The following RMST variants were observed in gnomAD, a reference collection of about 807,000 sequenced individuals.
RMST encodes the protein long intergenic non-protein coding RNA 54.
chr12:97,516,126 A>G lies in RMST; in HGVS notation n.1341-14529A>G, dbSNP rs372642697. Among the ~76,000 whole-genome samples, 123 of 152,202 alleles carry G rather than the reference A, an allele frequency of 8.1e-4. 2 individuals are homozygous for G. The East Asian group carries it at 0.017, about 21-fold the overall frequency. ...GTTTTTAGAGATGTATGATACAGAAACTATGTCAACAGTAGTTGACTATTT... is the reference window on the plus strand; with the variant it reads ...GTTTTTAGAGATGTATGATACAGAAGCTATGTCAACAGTAGTTGACTATTT... On this transcript the variant is annotated intron_variant and non_coding_transcript_variant, in intron 10 of 13. Coordinates refer to ENST00000640149, the Ensembl canonical transcript of RMST.
chr12:97,522,236 T>C (rs78236625), intron 10 of RMST, among the ~76,000 whole-genome samples: 5,846 of 152,324 alleles, frequency 0.038, 221 homozygotes, highest in East Asian at 0.17. Flanking sequence ...GATGTTAAAT[T>C]GCTCCATGTG....
chr12:97,463,761 T>C (rs1238032450), intron 4 of RMST, among the ~76,000 whole-genome samples: 1 of 152,180 alleles, frequency 6.6e-6, no homozygotes, highest in Non-Finnish European at 1.5e-5. Flanking sequence ...GATAAGATTA[T>C]GATGGTATGT....
rs1272686182 is a variant in RMST, at chr12:97,528,585, T to C, written n.1341-2070T>C. Among the ~76,000 whole-genome samples, 3 of 152,158 alleles carry C rather than the reference T, an allele frequency of 2.0e-5. No individual in the cohort carries two copies. The East Asian group carries it at 5.8e-4, about 29-fold the overall frequency. Reference sequence around the variant, plus strand: ...ATAGTGAATATTATTAATGCTTATTTTAAAATCTTAAGAGAAATGTCTACT... The same window carrying C: ...ATAGTGAATATTATTAATGCTTATTCTAAAATCTTAAGAGAAATGTCTACT... On this transcript the variant is annotated intron_variant and non_coding_transcript_variant, in intron 10 of 13. Transcript: ENST00000640149.
chr12:97,520,465 A>G (rs950268212), intron 10 of RMST, among the ~76,000 whole-genome samples: 1 of 152,134 alleles, frequency 6.6e-6, no homozygotes, highest in African/African-American at 2.4e-5. Flanking sequence ...CTTCCTCTTA[A>G]TGCAGTCTTC....
chr12:97,478,463 G>A (rs1296233597), intron 5 of RMST, among the ~76,000 whole-genome samples: 1 of 152,144 alleles, frequency 6.6e-6, no homozygotes. Flanking sequence ...ACTTGTTTAA[G>A]GTCACACAGC....
chr12:97,502,988 A>G (rs2136484129), intron 10 of RMST, among the ~76,000 whole-genome samples: 1 of 152,218 alleles, frequency 6.6e-6, no homozygotes, highest in East Asian at 1.9e-4. Context: ...GTTTTCATGG[A>G]ATCTTTCATG....
chr12:97,469,141 A>AGTGTGTGT (rs10585876), intron 5 of RMST, among the ~76,000 whole-genome samples: 13 of 138,412 alleles, frequency 9.4e-5, no homozygotes, highest in African/African-American at 2.9e-4. Flanking sequence ...AAGAGAAACC[A>AGTGTGTGT]GTGTGTGTGT....
At chr12:97,475,577 C>CTT (rs895357379) in intron 5 of RMST, among the ~76,000 whole-genome samples, 47 of 126,954 alleles carry the variant, frequency 3.7e-4, no homozygotes, top group Middle Eastern at 4.0e-3. Context: ...ACCTTAGTAT[C>CTT]TTTTTTTTTG....
intron 10 of RMST, among the ~76,000 whole-genome samples, chr12:97,527,696 T>A (rs1881250042): frequency 6.6e-6 from 1 of 152,174 alleles, no homozygotes; most frequent in Non-Finnish European, 1.5e-5. Flanking sequence ...AAATTATAAG[T>A]CATGTAGGTC....
intron 10 of RMST, among the ~76,000 whole-genome samples, chr12:97,523,580 C>A (rs1221545846): frequency 6.6e-6 from 1 of 152,150 alleles, no homozygotes; most frequent in Non-Finnish European, 1.5e-5. Flanking sequence ...TCACACTGTA[C>A]TCCATGATAG....
chr12:97,465,858 A>G (rs1873123782), intron 5 of RMST: 1 of 152,182 alleles, frequency 6.6e-6, no homozygotes, highest in Admixed American at 6.5e-5. Context: ...AAAGGTTTAA[A>G]GAGAAGAGCT....
At chr12:97,541,012 G>GTA (rs145399907) in intron 11 of RMST, among the ~76,000 whole-genome samples, 13,695 of 146,346 alleles carry the variant, frequency 0.094, 905 homozygotes, top group African/African-American at 0.19. Context: ...TGTCCCAGGT[G>GTA]TATATATATA....
chr12:97,490,372 A>T (rs1408349035), intron 5 of RMST, among the ~76,000 whole-genome samples: 3 of 152,234 alleles, frequency 2.0e-5, no homozygotes, highest in African/African-American at 7.2e-5. Context: ...CACAGATTCA[A>T]ATCCATCTCT....
In RMST at chr12:97,504,317, T is replaced by C. The variant is rs75397856; in HGVS notation, n.1340+8261T>C. Among the ~76,000 whole-genome samples the C allele has an allele frequency of 4.0e-3, 587 of 147,710 alleles. 19 individuals carry two copies. In the East Asian group the frequency reaches 0.08, roughly 20 times the overall value. ...TACTTGGGAGGCTGAGGCAGGAAAA[T>C]CGCTTAAACCTGGGAGGCAGAGGTT... On this transcript the variant is annotated intron_variant and non_coding_transcript_variant, in intron 10 of 13. Coordinates refer to ENST00000640149, the Ensembl canonical transcript of RMST.
intron 5 of RMST, among the ~76,000 whole-genome samples, chr12:97,486,394 A>G (rs911088915): frequency 6.6e-6 from 1 of 152,226 alleles, no homozygotes; most frequent in Non-Finnish European, 1.5e-5. Context: ...AAAGCAGGTG[A>G]GGGCCATCTT....
chr12:97,553,101 C>T (rs575316225), intron 11 of RMST, among the ~76,000 whole-genome samples: 19 of 152,202 alleles, frequency 1.2e-4, no homozygotes, highest in African/African-American at 3.4e-4. Context: ...TGTTATTTTA[C>T]CAGTTGAAAC....
At chr12:97,466,398 ATTTTATATAAGTGGTTAATTTC>A (rs1313318095) in intron 5 of RMST, among the ~76,000 whole-genome samples, 2 of 152,114 alleles carry the variant, frequency 1.3e-5, no homozygotes, top group Non-Finnish European at 2.9e-5. Flanking sequence ...TGAAGGTAAT[ATTTTATATAAGTGGTTAATTTC>A]CCAAGATTTA....
intron 11 of RMST, among the ~76,000 whole-genome samples, chr12:97,545,248 C>A (rs1882847328): frequency 6.6e-6 from 1 of 152,050 alleles, no homozygotes; most frequent in Non-Finnish European, 1.5e-5. Flanking sequence ...TATATCTCCC[C>A]AAAATAGTAC....
chr12:97,556,953 C>G (rs1018589915), intron 11 of RMST, among the ~76,000 whole-genome samples: 60 of 151,976 alleles, frequency 3.9e-4, no homozygotes, highest in Non-Finnish European at 6.6e-4. Context: ...CCTGAAGAAA[C>G]TGTATATTCA....
Sources: allele counts gnomAD v4.1 joint callset (sites outside exome capture counted in the v4.1 genomes callset), GRCh38; gene constraint gnomAD v4.1.1; transcripts MANE v1.5; gene names NCBI Gene and HGNC (gene_info 2026-07-23, HGNC 2026-07-21).